The following OTOGL variants were observed in gnomAD, a reference collection of about 807,000 sequenced individuals.
OTOGL encodes otogelin like.
In OTOGL, 285 loss-of-function variants were observed where a neutral mutation model predicts 318.5. That is an observed-to-expected ratio of 0.89 (90% CI 0.81 to 0.99). The LOEUF is 0.99. Among genes scored for constraint, OTOGL ranks in the 50% least tolerant of loss-of-function variants. The probability of loss-of-function intolerance (pLI) is 0.00; values close to 1 mark genes in which losing one functional copy is unlikely to be tolerated. For synonymous variants in OTOGL, 987 were observed against 936.5 expected (o/e 1.05, Z -0.99); for missense variants, 2,899 against 2,845.6 (o/e 1.02, Z -0.43).
chr12:80,250,059 C>G (rs1014940303), intron 11 of OTOGL, among the ~76,000 whole-genome samples: 2 of 152,040 alleles, frequency 1.3e-5, no homozygotes, highest in African/African-American at 2.4e-5. Context: ...CCTGCGCCCA[C>G]TGTCTGGCAC....
At chr12:80,141,308 GTCTTA>G (rs1871924866) in intron 1 of OTOGL, among the ~76,000 whole-genome samples, 1 of 152,168 alleles carries the variant, frequency 6.6e-6, no homozygotes, top group Admixed American at 6.5e-5. Context: ...TATCTGCAGT[GTCTTA>G]TCTTTATTTT....
At chr12:80,352,871 C>G (rs904969491) in intron 45 of OTOGL, among the ~76,000 whole-genome samples, 1 of 152,162 alleles carries the variant, frequency 6.6e-6, no homozygotes, top group Non-Finnish European at 1.5e-5. Flanking sequence ...AACTGCTCAC[C>G]AATAGTAATT....
chr12:80,279,282 A>G, intron 26 of OTOGL, 116 bp downstream of exon 26: 1 of 1,067,096 alleles, frequency 9.4e-7, no homozygotes, highest in Non-Finnish European at 1.3e-6. Context: ...CTATAAAACA[A>G]TTATATATAT....
intron 26 of OTOGL, among the ~76,000 whole-genome samples, chr12:80,281,246 T>C (rs888524316): frequency 4.0e-5 from 6 of 151,874 alleles, no homozygotes; most frequent in African/African-American, 1.4e-4. Flanking sequence ...ATGAGAGTGA[T>C]GAGAGTGGGC....
chr12:80,225,724 C>T (rs1386669226), intron 7 of OTOGL, among the ~76,000 whole-genome samples: 1 of 151,924 alleles, frequency 6.6e-6, no homozygotes, highest in East Asian at 1.9e-4. Context: ...TTGATACATC[C>T]AAATACAGTT....
At chr12:80,180,315 C>G (rs1250159911) in intron 1 of OTOGL, among the ~76,000 whole-genome samples, 1 of 151,882 alleles carries the variant, frequency 6.6e-6, no homozygotes, top group Non-Finnish European at 1.5e-5. Context: ...TATGGAGGAT[C>G]ATAGGCTCTG....
At chr12:80,265,409 T>C (rs913282166) in intron 20 of OTOGL, 199 bp downstream of exon 20, 2 of 615,828 alleles carry the variant, frequency 3.2e-6, no homozygotes, top group African/African-American at 3.7e-5. Flanking sequence ...CCAATAACTT[T>C]TGACTAGTTT....
At chr12:80,208,288 G>A (rs377710098) in intron 1 of OTOGL, 76 of 492,844 alleles carry the variant, frequency 1.5e-4, no homozygotes, top group Non-Finnish European at 2.4e-4. Context: ...TATAATGAAT[G>A]TTGGACCATG....
chr12:80,194,151 C>T (rs1875884444), intron 1 of OTOGL, among the ~76,000 whole-genome samples: 1 of 152,190 alleles, frequency 6.6e-6, no homozygotes, highest in Admixed American at 6.5e-5. Context: ...AAACGTTAGG[C>T]ATGTGACCTA....
intron 32 of OTOGL, among the ~76,000 whole-genome samples, chr12:80,315,469 G>A (rs1435225970): frequency 6.6e-6 from 1 of 152,148 alleles, no homozygotes; most frequent in African/African-American, 2.4e-5. Flanking sequence ...AGCAGAATTG[G>A]AGTCTTTTTG....
intron 29 of OTOGL, 140 bp from the exon 30 acceptor site, chr12:80,310,471 A>G: frequency 1.7e-6 from 1 of 603,044 alleles, no homozygotes; most frequent in Non-Finnish European, 2.9e-6. Context: ...ATAGGATGTG[A>G]GCAGGTGCTT....
At chr12:80,345,390 C>T (rs374491185) in intron 44 of OTOGL, among the ~76,000 whole-genome samples, 1 of 151,216 alleles carries the variant, frequency 6.6e-6, no homozygotes, top group East Asian at 2.0e-4. Flanking sequence ...CATGTGCCAC[C>T]AGGTCTGGCT....
At chr12:80,270,074 C>T in intron 22 of OTOGL, 28 bp from the exon 23 acceptor site, 9 of 1,518,266 alleles carry the variant, frequency 5.9e-6, no homozygotes, top group Non-Finnish European at 8.1e-6. Context: ...GATTTGGTTC[C>T]ATAAATTAAC....
intron 1 of OTOGL, among the ~76,000 whole-genome samples, chr12:80,183,604 G>A (rs1383877450): frequency 6.6e-6 from 1 of 151,942 alleles, no homozygotes; most frequent in African/African-American, 2.4e-5. Context: ...AAGAGAATGG[G>A]CCAAAGCCAT....
intron 45 of OTOGL, among the ~76,000 whole-genome samples, chr12:80,352,666 G>A (rs1889625136): frequency 6.6e-6 from 1 of 152,094 alleles, no homozygotes; most frequent in Admixed American, 6.6e-5. Flanking sequence ...TCCCTGAGAG[G>A]TAATCACTAT....
At chr12:80,334,801 G>A (rs1296599774) in intron 38 of OTOGL, among the ~76,000 whole-genome samples, 5 of 152,134 alleles carry the variant, frequency 3.3e-5, no homozygotes, top group African/African-American at 1.2e-4. Flanking sequence ...TTTCAGTAGA[G>A]TGGTAGGTCT....
intron 1 of OTOGL, among the ~76,000 whole-genome samples, chr12:80,192,996 A>C (rs1189873933): frequency 2.6e-5 from 4 of 152,008 alleles, no homozygotes; most frequent in Admixed American, 2.6e-4. Context: ...ATACTAAAAA[A>C]AAAACCGAAT....
At chr12:80,260,307 A>G (rs1204391239) in intron 18 of OTOGL, among the ~76,000 whole-genome samples, 1 of 152,062 alleles carries the variant, frequency 6.6e-6, no homozygotes, top group Non-Finnish European at 1.5e-5. Context: ...TGATATCTTC[A>G]CCACACTTGA....
In OTOGL at chr12:80,377,891, T is replaced by A; in HGVS notation, c.6905T>A (p.Ile2302Lys). 6.2e-7 allele frequency: 1 copy of A among 1,611,910 alleles called. No individual in the cohort carries two copies. The highest frequency in any genetic ancestry group is 1.3e-5 in the African/African-American group (1 of 75,010). Residue 2302 changes from isoleucine to lysine, a missense_variant, in exon 59 of 59, where the codon ATA (isoleucine) becomes AAA (lysine). Physicochemically the swap from Ile to Lys is moderately radical, Grantham distance 102. Transcript: ENST00000547103. Reference protein sequence around the residue: ...SCDGKCPSATIYNINIESHLR... With the variant: ...SCDGKCPSATKYNINIESHLR... ...GACGGCAAATGCCCATCAGCTACCATATATAACATCAATATTGAAAGTCAC... is the reference window on the plus strand; with the variant it reads ...GACGGCAAATGCCCATCAGCTACCAAATATAACATCAATATTGAAAGTCAC...
Sources: allele counts gnomAD v4.1 joint callset (sites outside exome capture counted in the v4.1 genomes callset), GRCh38; gene constraint gnomAD v4.1.1; transcripts MANE v1.5; gene names NCBI Gene and HGNC (gene_info 2026-07-23, HGNC 2026-07-21).